Variants in SEMA4B observed in about 807,000 individuals in gnomAD.
SEMA4B encodes semaphorin-4B.
SEMA4B carries 55 observed loss-of-function variants against 88.1 expected under a neutral mutation model. The observed-to-expected ratio is 0.62, with a 90% CI of 0.50 to 0.78. The LOEUF (loss-of-function observed/expected upper bound fraction) is 0.78, where lower values mean the gene tolerates loss of function less well. SEMA4B is among the 30% of genes least tolerant of loss of function. SEMA4B has a pLI of 0.00. For missense variants in SEMA4B, 1,062 were observed against 1,111.9 expected, an observed-to-expected ratio of 0.96 and a Z score of 0.64; for synonymous variants, 525 against 473.6, an observed-to-expected ratio of 1.11 and a Z score of -1.41.
intron 1 of SEMA4B, among the ~76,000 whole-genome samples, chr15:90,215,220 TTC>T (rs1345029207): frequency 3.3e-5 from 3 of 91,460 alleles, no homozygotes; most frequent in African/African-American, 2.1e-4. Flanking sequence ...GTGTGTGTGT[TTC>T]TTTTTTTTTT....
chr15:90,188,501 G>A (rs1046798960), intron 1 of SEMA4B, among the ~76,000 whole-genome samples: 27 of 151,866 alleles, frequency 1.8e-4, no homozygotes, highest in Non-Finnish European at 3.2e-4. Flanking sequence ...GGTGGCGCAT[G>A]CCTGTAATCC....
intron 1 of SEMA4B, among the ~76,000 whole-genome samples, chr15:90,207,318 A>T (rs1596134384): frequency 8.1e-6 from 1 of 123,722 alleles, no homozygotes; most frequent in Non-Finnish European, 1.7e-5. Context: ...TTCAGTGGGG[A>T]TGGTAGGTAG....
intron 1 of SEMA4B, among the ~76,000 whole-genome samples, chr15:90,187,756 C>G (rs555931851): frequency 6.6e-5 from 10 of 152,120 alleles, no homozygotes; most frequent in Non-Finnish European, 1.2e-4. Flanking sequence ...CCTGTAATCC[C>G]AGCATTTTGG....
Position 90,201,560 on chromosome 15 carries a change from C to G in SEMA4B, c.-19C>G, listed in dbSNP as rs772465012. The G allele has an allele frequency of 4.9e-5, 72 of 1,458,796 alleles. No individual in the cohort carries two copies. The highest frequency in any genetic ancestry group is 1.5e-4 in the Admixed American group (6 of 40,788). 90.4% of individuals were successfully genotyped at this position (1,458,796 alleles called of 1,614,324 possible). A position where few individuals can be genotyped will look rare whatever the true frequency, so the allele number is the denominator to read the frequency against. ...CACCTGAGCCCGAGCCGCGGGACAC[C>G]GTCGCTCCTGCTCTCCGAATGCTGC... On this transcript the variant is annotated 5_prime_UTR_variant, in exon 1 of 14. Coordinates refer to ENST00000411539, the MANE Select transcript of SEMA4B (RefSeq NM_198925.4).
At chr15:90,216,725 T>G (rs1254898502) in intron 1 of SEMA4B, among the ~76,000 whole-genome samples, 1 of 152,188 alleles carries the variant, frequency 6.6e-6, no homozygotes, top group East Asian at 1.9e-4. Context: ...ATGCCTGTAA[T>G]ACCAGCTACT....
chr15:90,220,954 C>G, intron 4 of SEMA4B, 28 bp from the exon 5 acceptor site: 5 of 1,486,446 alleles, frequency 3.4e-6, no homozygotes, highest in South Asian at 1.2e-5. Flanking sequence ...TGGAGTGCCC[C>G]TGAGCCCATG....
intron 1 of SEMA4B, among the ~76,000 whole-genome samples, chr15:90,187,161 C>G (rs1011463575): frequency 3.3e-5 from 5 of 152,246 alleles, no homozygotes; most frequent in African/African-American, 9.6e-5. Context: ...CATTCAGCCA[C>G]TCTCCAAAAT....
chr15:90,197,688 C>T (rs1461332377), upstream of SEMA4B, among the ~76,000 whole-genome samples: 5 of 152,018 alleles, frequency 3.3e-5, no homozygotes, highest in Admixed American at 1.3e-4. Flanking sequence ...CCGCGCACCT[C>T]GGCCTCCCAA....
intron 7 of SEMA4B, among the ~76,000 whole-genome samples, chr15:90,222,969 C>T (rs3029965): frequency 0.29 from 34,516 of 120,136 alleles, 4,383 homozygotes; most frequent in Non-Finnish European, 0.31. Context: ...TATATATATA[C>T]ATTTTTTTTT....
intron 1 of SEMA4B, among the ~76,000 whole-genome samples, chr15:90,205,114 C>T (rs1348251459): frequency 2.6e-5 from 4 of 152,164 alleles, no homozygotes; most frequent in Non-Finnish European, 2.9e-5. Flanking sequence ...CCAGAAGTGC[C>T]GGGCGGGAAA....
In SEMA4B at chr15:90,228,694, G is replaced by A. The variant is rs200871623; in HGVS notation, c.*51G>A. The A allele has an allele frequency of 1.7e-4, 279 of 1,606,992 alleles. No homozygotes were observed. Among genetic ancestry groups the A allele is most frequent in the African/African-American group, 1.7e-3 (126 of 74,988 alleles). On this transcript the variant is annotated 3_prime_UTR_variant, in exon 14 of 14. Transcript: ENST00000411539. ...CTGGCTTCAGGGGCTGTGAATGCTCGGAGAGGGTCAACTGGACCTCCCCTC... is the reference window on the plus strand; with the variant it reads ...CTGGCTTCAGGGGCTGTGAATGCTCAGAGAGGGTCAACTGGACCTCCCCTC...
chr15:90,193,245 G>T (rs1025515054), intron 1 of SEMA4B: 3 of 152,250 alleles, frequency 2.0e-5, no homozygotes, highest in Non-Finnish European at 2.9e-5. Context: ...GCTCCCGCTC[G>T]CAGGAAGTCT....
Position 90,212,269 on chromosome 15 carries a change from G to A in SEMA4B, c.158-5170G>A, listed in dbSNP as rs36021233. ...GACAGGGCAGCCCCAGACCAGCCCC[G>A]GTCTGCCTTTTTGAAGGATGATCTG... On this transcript the variant is annotated intron_variant, in intron 1 of 13. Coordinates refer to ENST00000411539, the MANE Select transcript of SEMA4B (RefSeq NM_198925.4). This position sits in a 1 kb window ranked among gnomAD's most constrained non-coding sequence, Gnocchi z 4.0. Among the ~76,000 whole-genome samples the A allele has an allele frequency of 0.11, 17,017 of 152,140 alleles. 1,120 individuals carry two copies. The highest frequency in any genetic ancestry group is 0.19 in the Admixed American group (2,944 of 15,284).
Position 90,229,195 on chromosome 15 carries a change from G to T in SEMA4B, c.*552G>T. 2.5e-6 allele frequency: 1 copy of T among 405,458 alleles called. No homozygotes were observed. Among genetic ancestry groups the T allele is most frequent in the Non-Finnish European group, 5.0e-6 (1 of 199,856 alleles). The allele number at this position is 405,458 out of a possible 1,614,324, so 25.1% of individuals were successfully genotyped here. ...GTCAGCCGAGGATGTAGTTGTTGCT[G>T]CCGTCGTCCCACCACCTCAGGGACC... On this transcript the variant is annotated 3_prime_UTR_variant, in exon 14 of 14. Coordinates refer to ENST00000411539, the MANE Select transcript of SEMA4B (RefSeq NM_198925.4).
chr15:90,227,764 G>A (rs1370988660), intron 13 of SEMA4B, 122 bp downstream of exon 13: 27 of 1,461,642 alleles, frequency 1.8e-5, no homozygotes, highest in Admixed American at 9.8e-5. Context: ...CCTGTAAGCA[G>A]GTCCCCAGGA....
chr15:90,225,293 C>G lies in SEMA4B; in HGVS notation c.1417C>G (p.Leu473Val). The G allele has an allele frequency of 2.6e-6, 4 of 1,557,798 alleles. No homozygotes were observed. Among genetic ancestry groups the G allele is most frequent in the Non-Finnish European group, 3.5e-6 (4 of 1,151,186 alleles). Residue 473 changes from leucine to valine, a missense_variant, in exon 11 of 14, where the codon CTC (leucine) becomes GTC (valine). Leu to Val is a conservative substitution (Grantham distance 32). Transcript: ENST00000411539. ...TGTCCACACCCCAGGTGACGGCCGG[C>G]TCCACAAGGCAGTGAGCGTGGGCCC... ...VLFLGTGDGR[L>V]HKAVSVGPRV...
At chr15:90,227,792 T>C in intron 13 of SEMA4B, 112 bp from the exon 14 acceptor site, 1 of 1,517,876 alleles carries the variant, frequency 6.6e-7, no homozygotes, top group Non-Finnish European at 8.9e-7. Context: ...GTCCCAGGGG[T>C]CCCCGGAGTT....
Position 90,211,186 on chromosome 15 carries a change from AGCAGGCAGGCG to A in SEMA4B, c.158-6242_158-6232del, listed in dbSNP as rs576907193. 2.1e-3 allele frequency among the ~76,000 whole-genome samples: 321 copies of A among 152,152 alleles called. 3 individuals carry two copies. The highest frequency in any genetic ancestry group is 7.6e-3 in the African/African-American group (316 of 41,502). On this transcript the variant is annotated intron_variant, in intron 1 of 13. Transcript: ENST00000411539. ...GAGCGTGTCCCTGTGTAGACCTGTG[AGCAGGCAGGCG>A]GCAGGCAGGCTCCTAAGGTGACGGC...
chr15:90,204,243 CA>C (rs917669757), intron 1 of SEMA4B, among the ~76,000 whole-genome samples: 1 of 152,194 alleles, frequency 6.6e-6, no homozygotes, highest in African/African-American at 2.4e-5. Context: ...CTGGATATTA[CA>C]CACCCCTCTT....
Sources: allele counts gnomAD v4.1 joint callset (sites outside exome capture counted in the v4.1 genomes callset), GRCh38; gene constraint gnomAD v4.1.1; non-coding constraint Gnocchi (gnomAD v3.1); transcripts MANE v1.5; gene names NCBI Gene and HGNC (gene_info 2026-07-23, HGNC 2026-07-21).